The following LINGO2 variants were observed in gnomAD, a reference collection of about 807,000 sequenced individuals.
LINGO2 encodes leucine rich repeat and Ig domain containing 2, also known as leucine-rich repeat and immunoglobulin-like domain-containing nogo receptor-interacting protein 2.
LINGO2 carries 14 observed loss-of-function variants against 30.6 expected under a neutral mutation model. The observed-to-expected ratio is 0.46, with a 90% CI of 0.30 to 0.72. LINGO2 has a LOEUF of 0.72. LINGO2 is among the 30% of genes least tolerant of loss of function. The probability of loss-of-function intolerance (pLI) is 0.07; values close to 1 mark genes in which losing one functional copy is unlikely to be tolerated. For synonymous variants in LINGO2, 317 were observed against 288.5 expected (o/e 1.10, Z -1.00); for missense variants, 729 against 751.7 (o/e 0.97, Z 0.35).
At chr9:27,960,528 A>C (rs1432134511) in intron 5 of LINGO2, among the ~76,000 whole-genome samples, 1 of 151,910 alleles carries the variant, frequency 6.6e-6, no homozygotes, top group Non-Finnish European at 1.5e-5. Flanking sequence ...GCTGTGATTC[A>C]GCCATCTGTA....
chr9:28,028,696 AAAC>A (rs1823510205), intron 4 of LINGO2, among the ~76,000 whole-genome samples: 1 of 152,188 alleles, frequency 6.6e-6, no homozygotes, highest in African/African-American at 2.4e-5. Context: ...TGTAACATTA[AAAC>A]AATATAAATG....
chr9:28,889,256 T>C, the LINGO2 span, among the ~76,000 whole-genome samples: 1 of 152,132 alleles, frequency 6.6e-6, no homozygotes, highest in Non-Finnish European at 1.5e-5. Context: ...CTTTCAATAA[T>C]GCCTGAGTCA....
intron 1 of LINGO2, among the ~76,000 whole-genome samples, chr9:28,603,166 A>T (rs1360199994): frequency 1.1e-4 from 17 of 152,064 alleles, no homozygotes; most frequent in Non-Finnish European, 1.5e-5. Context: ...CTGTAGAAGG[A>T]CTTTAAACAC....
the LINGO2 span, among the ~76,000 whole-genome samples, chr9:29,189,265 C>A: frequency 6.9e-6 from 1 of 143,930 alleles, no homozygotes; most frequent in Non-Finnish European, 1.5e-5. Flanking sequence ...GCTGGCCTGG[C>A]GGGGGGCTGA....
intron 1 of LINGO2, among the ~76,000 whole-genome samples, chr9:28,651,134 G>A (rs1332195621): frequency 6.6e-6 from 1 of 151,410 alleles, no homozygotes; most frequent in Non-Finnish European, 1.5e-5. Context: ...AGTGAGCAGA[G>A]ACTGTGACAC....
the LINGO2 span, among the ~76,000 whole-genome samples, chr9:29,037,798 A>G: frequency 1.1e-4 from 16 of 152,136 alleles, no homozygotes; most frequent in South Asian, 3.3e-3. Flanking sequence ...TGTAAAACAG[A>G]GATTTTAAAA....
the LINGO2 span, among the ~76,000 whole-genome samples, chr9:28,968,936 G>A: frequency 6.6e-6 from 1 of 152,070 alleles, no homozygotes; most frequent in African/African-American, 2.4e-5. Flanking sequence ...TGCTCCCAAA[G>A]GAACATAGTG....
the LINGO2 span, among the ~76,000 whole-genome samples, chr9:28,977,578 G>A: frequency 6.6e-6 from 1 of 151,878 alleles, no homozygotes; most frequent in Non-Finnish European, 1.5e-5. Flanking sequence ...TTGCTGCATT[G>A]CCCTGATGTA....
chr9:28,437,275 G>T (rs139183896), intron 2 of LINGO2, among the ~76,000 whole-genome samples: 1 of 152,074 alleles, frequency 6.6e-6, no homozygotes, highest in African/African-American at 2.4e-5. Flanking sequence ...TTTGTACTTC[G>T]TAACTCTAGA....
chr9:28,172,034 C>A (rs3861022), intron 4 of LINGO2, among the ~76,000 whole-genome samples: 35,722 of 98,036 alleles, frequency 0.36, 7,453 homozygotes, highest in East Asian at 0.54. Context: ...AAAAAAAAAA[C>A]AAAAAAAAAA....
chr9:28,527,409 T>C (rs898942824), intron 1 of LINGO2, among the ~76,000 whole-genome samples: 5 of 152,252 alleles, frequency 3.3e-5, no homozygotes, highest in African/African-American at 1.2e-4. Flanking sequence ...GTAAAGAAAA[T>C]AGGTAAAGTC....
chr9:28,441,063 C>T (rs1824171960), intron 2 of LINGO2, among the ~76,000 whole-genome samples: 1 of 151,986 alleles, frequency 6.6e-6, no homozygotes, highest in Non-Finnish European at 1.5e-5. Context: ...TGAATTGATT[C>T]TTGAGACTTA....
the LINGO2 span, among the ~76,000 whole-genome samples, chr9:28,708,420 C>G: frequency 6.6e-6 from 1 of 152,036 alleles, no homozygotes; most frequent in African/African-American, 2.4e-5. Context: ...ATCACTGTGA[C>G]CATTTTTATC....
At chr9:28,879,509 A>G in the LINGO2 span, among the ~76,000 whole-genome samples, 4 of 152,334 alleles carry the variant, frequency 2.6e-5, no homozygotes, top group South Asian at 8.3e-4. Context: ...ATACACAGCT[A>G]GATTCTACAT....
the LINGO2 span, among the ~76,000 whole-genome samples, chr9:29,051,763 A>C: frequency 6.6e-6 from 1 of 152,080 alleles, no homozygotes; most frequent in Non-Finnish European, 1.5e-5. Flanking sequence ...TATTTTGGGG[A>C]TTTTGGACTC....
intron 2 of LINGO2, among the ~76,000 whole-genome samples, chr9:28,451,700 C>A (rs1824653588): frequency 6.6e-6 from 1 of 151,568 alleles, no homozygotes; most frequent in Admixed American, 6.6e-5. Context: ...TATGTTTGCA[C>A]CTTGGCTACA....
At chr9:28,201,735 C>A (rs1174237362) in intron 4 of LINGO2, among the ~76,000 whole-genome samples, 3 of 151,922 alleles carry the variant, frequency 2.0e-5, no homozygotes, top group Non-Finnish European at 1.5e-5. Flanking sequence ...GTTAGCTTGC[C>A]TTCTCATATT....
At chr9:28,227,989 A>C (rs1364762051) in intron 4 of LINGO2, among the ~76,000 whole-genome samples, 1 of 152,116 alleles carries the variant, frequency 6.6e-6, no homozygotes, top group East Asian at 1.9e-4. Context: ...TAGAATAAAT[A>C]TATAAATAAA....
the LINGO2 span, among the ~76,000 whole-genome samples, chr9:29,183,098 G>C: frequency 6.6e-6 from 1 of 152,074 alleles, no homozygotes; most frequent in Non-Finnish European, 1.5e-5. Context: ...TTACCAGAAA[G>C]AAAATAAAAG....
Sources: allele counts gnomAD v4.1 joint callset (sites outside exome capture counted in the v4.1 genomes callset), GRCh38; gene constraint gnomAD v4.1.1; transcripts MANE v1.5; gene names NCBI Gene and HGNC (gene_info 2026-07-23, HGNC 2026-07-21).